Variants in SLC25A26 observed in about 807,000 individuals in gnomAD.
SLC25A26 encodes solute carrier family 25 member 26, also known as mitochondrial S-adenosylmethionine carrier protein.
SLC25A26 carries 36 observed loss-of-function variants against 37.8 expected under a neutral mutation model. The ratio of observed to expected loss-of-function variants is 0.95; its 90% CI spans 0.73 to 1.26. SLC25A26 has a LOEUF of 1.26. SLC25A26 is among the 50% of genes most tolerant of loss of function. SLC25A26 has a pLI of 0.00. For missense variants in SLC25A26, 390 were observed against 331.1 expected (o/e 1.18, Z -1.38); for synonymous variants, 129 against 122.5 (o/e 1.05, Z -0.35).
intron 5 of SLC25A26, among the ~76,000 whole-genome samples, chr3:66,345,915 A>G (rs2076311365): frequency 6.6e-6 from 1 of 152,202 alleles, no homozygotes. Flanking sequence ...GAAGATCACC[A>G]GGCTCAGTGG....
intron 8 of SLC25A26, among the ~76,000 whole-genome samples, chr3:66,370,224 G>A (rs532443543): frequency 1.6e-4 from 25 of 152,280 alleles, no homozygotes; most frequent in African/African-American, 4.8e-4. Context: ...ATGATTCCCC[G>A]CCCTCCTCAC....
At chr3:66,338,010 T>TA (rs2076128937) in intron 5 of SLC25A26, among the ~76,000 whole-genome samples, 1 of 152,038 alleles carries the variant, frequency 6.6e-6, no homozygotes, top group South Asian at 2.1e-4. Flanking sequence ...AATATTTCCC[T>TA]ATTCCCAGAA....
At chr3:66,150,838 G>A (rs188239099) in intron 1 of SLC25A26, among the ~76,000 whole-genome samples, 1 of 151,326 alleles carries the variant, frequency 6.6e-6, no homozygotes, top group Admixed American at 6.6e-5. Flanking sequence ...GGACTTATTG[G>A]ATATTTGATA....
intron 6 of SLC25A26, among the ~76,000 whole-genome samples, chr3:66,360,207 A>C (rs1049755137): frequency 6.6e-6 from 1 of 152,216 alleles, no homozygotes; most frequent in Non-Finnish European, 1.5e-5. Context: ...AATTAAAATG[A>C]ACTTTGCTGT....
At chr3:66,304,947 G>C (rs772786400) in intron 5 of SLC25A26, among the ~76,000 whole-genome samples, 31 of 152,112 alleles carry the variant, frequency 2.0e-4, no homozygotes, top group Non-Finnish European at 3.8e-4. Flanking sequence ...AAAAGATTTT[G>C]TCACCAAAAA....
chr3:66,274,472 A>C (rs1400048625), intron 5 of SLC25A26, among the ~76,000 whole-genome samples: 2 of 152,168 alleles, frequency 1.3e-5, no homozygotes, highest in Non-Finnish European at 2.9e-5. Context: ...CAACCTACAA[A>C]ATGGGAGAAA....
At chr3:66,215,997 G>A (rs2071355445) in intron 1 of SLC25A26, among the ~76,000 whole-genome samples, 1 of 152,170 alleles carries the variant, frequency 6.6e-6, no homozygotes, top group African/African-American at 2.4e-5. Context: ...CTTTTGAACA[G>A]TATCCTTACG....
At chr3:66,257,328 T>G (rs1462953221) in intron 3 of SLC25A26, among the ~76,000 whole-genome samples, 1 of 152,188 alleles carries the variant, frequency 6.6e-6, no homozygotes, top group Admixed American at 6.5e-5. Context: ...TACATTATTA[T>G]TTGTCAATTT....
chr3:66,376,542 A>G (rs1463381346), intron 9 of SLC25A26, among the ~76,000 whole-genome samples: 1 of 152,248 alleles, frequency 6.6e-6, no homozygotes, highest in Non-Finnish European at 1.5e-5. Flanking sequence ...AGCATTTTTT[A>G]GCAATAAAGC....
chr3:66,342,826 G>A (rs766894315), intron 5 of SLC25A26, among the ~76,000 whole-genome samples: 1 of 152,150 alleles, frequency 6.6e-6, no homozygotes, highest in Non-Finnish European at 1.5e-5. Context: ...CCCTCCATCT[G>A]TGTCTTTGAT....
At chr3:66,191,843 G>T (rs1010223545) in intron 1 of SLC25A26, among the ~76,000 whole-genome samples, 1 of 151,838 alleles carries the variant, frequency 6.6e-6, no homozygotes, top group East Asian at 2.0e-4. Flanking sequence ...GTGAGCGGAG[G>T]TTGTGGTGAG....
intron 1 of SLC25A26, among the ~76,000 whole-genome samples, chr3:66,203,109 A>G (rs1158119411): frequency 6.6e-6 from 1 of 152,150 alleles, no homozygotes; most frequent in African/African-American, 2.4e-5. Context: ...GGCTGGGTGC[A>G]GTGGCTAACA....
intron 1 of SLC25A26, among the ~76,000 whole-genome samples, chr3:66,198,847 T>C (rs1436919786): frequency 6.6e-5 from 10 of 151,904 alleles, no homozygotes; most frequent in Non-Finnish European, 1.3e-4. Flanking sequence ...CTCTTCTCAC[T>C]CTGACCTTCA....
intron 3 of SLC25A26, among the ~76,000 whole-genome samples, chr3:66,260,121 G>T (rs1173734391): frequency 6.6e-6 from 1 of 152,024 alleles, no homozygotes; most frequent in East Asian, 1.9e-4. Flanking sequence ...TGTAATCTTG[G>T]GCAGTTTCTC....
At chr3:66,240,751 T>C (rs983474592) in intron 2 of SLC25A26, among the ~76,000 whole-genome samples, 1 of 141,808 alleles carries the variant, frequency 7.1e-6, no homozygotes, top group Non-Finnish European at 1.5e-5. Context: ...TCTTTTCTTT[T>C]TTTTTTTTTT....
intron 1 of SLC25A26, among the ~76,000 whole-genome samples, chr3:66,200,359 C>T (rs2071093167): frequency 6.6e-6 from 1 of 152,172 alleles, no homozygotes; most frequent in Admixed American, 6.5e-5. Flanking sequence ...GCTGGCTGCA[C>T]AATCCAGGCA....
chr3:66,348,020 T>A (rs2107746150), intron 6 of SLC25A26, among the ~76,000 whole-genome samples: 1 of 152,266 alleles, frequency 6.6e-6, no homozygotes, highest in East Asian at 1.9e-4. Context: ...AGCTAACACA[T>A]GCTGGGCTTA....
At chr3:66,254,197 T>A (rs2073211542) in intron 3 of SLC25A26, among the ~76,000 whole-genome samples, 1 of 152,238 alleles carries the variant, frequency 6.6e-6, no homozygotes, top group South Asian at 2.1e-4. Context: ...TGTCAACAGC[T>A]GTAATTCCAT....
At chr3:66,147,043 TCTTCC>T (rs1183168244) in intron 1 of SLC25A26, among the ~76,000 whole-genome samples, 10 of 137,986 alleles carry the variant, frequency 7.2e-5, no homozygotes, top group South Asian at 2.5e-4. Flanking sequence ...CCACGATGTA[TCTTCC>T]CTTCCCTTCC....
Sources: allele counts gnomAD v4.1 joint callset (sites outside exome capture counted in the v4.1 genomes callset), GRCh38; gene constraint gnomAD v4.1.1; transcripts MANE v1.5; gene names NCBI Gene and HGNC (gene_info 2026-07-23, HGNC 2026-07-21).